EPM2A: variants seen among roughly 807,000 people sequenced by gnomAD.
EPM2A encodes the protein laforin.
A neutral mutation model predicts 26.5 loss-of-function variants in EPM2A; 21 were observed. The ratio of observed to expected loss-of-function variants is 0.79; its 90% CI spans 0.56 to 1.14. EPM2A has a LOEUF of 1.14. Among genes scored for constraint, EPM2A ranks in the 50% most tolerant of loss-of-function variants. The pLI is 0.00. For synonymous variants in EPM2A, 217 were observed against 177.6 expected (o/e 1.22, Z -1.76); for missense variants, 458 against 440.8 (o/e 1.04, Z -0.35).
At chr6:145,424,659 T>G (rs1363623795) in intron 4 of EPM2A, among the ~76,000 whole-genome samples, 4 of 152,126 alleles carry the variant, frequency 2.6e-5, no homozygotes, top group Non-Finnish European at 5.9e-5. Context: ...TATTAGGAGG[T>G]GGGGCCTTTG....
intron 2 of EPM2A, among the ~76,000 whole-genome samples, chr6:145,579,566 T>C (rs1337695424): frequency 6.6e-6 from 1 of 152,228 alleles, no homozygotes. Flanking sequence ...TTTATCCGTA[T>C]TTTAACTTTT....
chr6:145,705,182 C>T (rs1432498988), intron 1 of EPM2A, among the ~76,000 whole-genome samples: 2 of 152,164 alleles, frequency 1.3e-5, no homozygotes, highest in African/African-American at 4.8e-5. Flanking sequence ...GGCACAGTGG[C>T]TCACGCCTGT....
At chr6:145,456,134 T>G (rs1231311485) in intron 4 of EPM2A, among the ~76,000 whole-genome samples, 3 of 152,214 alleles carry the variant, frequency 2.0e-5, no homozygotes, top group African/African-American at 7.2e-5. Context: ...ACCAGTTACC[T>G]GCATGGCTGT....
At chr6:145,447,239 G>A (rs1779138654) in intron 4 of EPM2A, among the ~76,000 whole-genome samples, 1 of 152,042 alleles carries the variant, frequency 6.6e-6, no homozygotes, top group African/African-American at 2.4e-5. Flanking sequence ...CTTTCACCCA[G>A]GTACACACTT....
At chr6:145,523,746 G>A (rs1780233989) in intron 2 of EPM2A, among the ~76,000 whole-genome samples, 1 of 152,152 alleles carries the variant, frequency 6.6e-6, no homozygotes, top group African/African-American at 2.4e-5. Flanking sequence ...GTGAAAGAAA[G>A]AGTCCCATGT....
At chr6:145,665,434 G>A (rs1404613181) in intron 2 of EPM2A, among the ~76,000 whole-genome samples, 2 of 101,484 alleles carry the variant, frequency 2.0e-5, no homozygotes, top group African/African-American at 4.2e-5. Context: ...TACATTCCTC[G>A]ACACATACAC....
At chr6:145,485,733 C>A (rs1355043109) in intron 4 of EPM2A, among the ~76,000 whole-genome samples, 34 of 151,904 alleles carry the variant, frequency 2.2e-4, no homozygotes, top group Admixed American at 2.2e-3. Flanking sequence ...AAAGACATAC[C>A]CAAGACTGGG....
At chr6:145,595,810 T>C (rs1781335268) in intron 2 of EPM2A, among the ~76,000 whole-genome samples, 1 of 152,156 alleles carries the variant, frequency 6.6e-6, no homozygotes, top group Admixed American at 6.5e-5. Flanking sequence ...GATTTTATAC[T>C]TTATTTTTTT....
At chr6:145,573,657 T>C (rs1195426831) in intron 2 of EPM2A, among the ~76,000 whole-genome samples, 1 of 152,184 alleles carries the variant, frequency 6.6e-6, no homozygotes, top group African/African-American at 2.4e-5. Context: ...CAGAGGCAGG[T>C]GTAATGGTTT....
intron 2 of EPM2A, among the ~76,000 whole-genome samples, chr6:145,562,363 GAAAA>G (rs1177041663): frequency 1.3e-5 from 2 of 150,532 alleles, no homozygotes; most frequent in Admixed American, 6.6e-5. Flanking sequence ...CACCAAAAAA[GAAAA>G]AAAAAGATTA....
intron 2 of EPM2A, among the ~76,000 whole-genome samples, chr6:145,597,480 T>A (rs999703095): frequency 1.3e-3 from 195 of 152,196 alleles, no homozygotes; most frequent in African/African-American, 4.4e-3. Flanking sequence ...TTTTTTTCTT[T>A]TTTTTGGTAA....
chr6:145,690,654 G>T (rs73579478), intron 1 of EPM2A, among the ~76,000 whole-genome samples: 11,738 of 150,264 alleles, frequency 0.078, 1,223 homozygotes, highest in African/African-American at 0.23. Context: ...AAAAGATGCC[G>T]GATAAAGGCC....
intron 3 of EPM2A, chr6:145,631,224 G>A (rs988246372): frequency 4.0e-5 from 6 of 151,796 alleles, no homozygotes; most frequent in Non-Finnish European, 8.8e-5. Flanking sequence ...ATAAAAAGAG[G>A]GTCCCCAGGA....
intron 2 of EPM2A, among the ~76,000 whole-genome samples, chr6:145,541,320 A>G (rs536566856): frequency 7.1e-4 from 96 of 134,892 alleles, no homozygotes; most frequent in Middle Eastern, 4.1e-3. Context: ...GTATATACAT[A>G]TATATGTGTA....
At chr6:145,518,615 A>G (rs1026142706) in intron 2 of EPM2A, among the ~76,000 whole-genome samples, 3 of 151,504 alleles carry the variant, frequency 2.0e-5, no homozygotes, top group Non-Finnish European at 4.4e-5. Flanking sequence ...AAAAAAAAAA[A>G]AAAAAAAACA....
At chr6:145,426,481 T>A (rs1202627117) in intron 4 of EPM2A, among the ~76,000 whole-genome samples, 1 of 152,222 alleles carries the variant, frequency 6.6e-6, no homozygotes, top group Non-Finnish European at 1.5e-5. Flanking sequence ...AACATCTGAA[T>A]GGATTAATTT....
At chr6:145,491,486 A>G (rs368744) in intron 4 of EPM2A, among the ~76,000 whole-genome samples, 80,970 of 151,982 alleles carry the variant, frequency 0.53, 22,276 homozygotes, top group African/African-American at 0.67. Context: ...AAGTCAAGCT[A>G]CTTCTCTCTG....
chr6:145,506,968 CA>C (rs1779984870), intron 2 of EPM2A, among the ~76,000 whole-genome samples: 1 of 152,206 alleles, frequency 6.6e-6, no homozygotes, highest in African/African-American at 2.4e-5. Flanking sequence ...AAGCAGTCAA[CA>C]GGTGCCTGGT....
chr6:145,549,925 A>G (rs1426522990), intron 2 of EPM2A, among the ~76,000 whole-genome samples: 1 of 152,114 alleles, frequency 6.6e-6, no homozygotes, highest in Non-Finnish European at 1.5e-5. Flanking sequence ...GACATAATCT[A>G]TAATACCTGA....
Sources: allele counts gnomAD v4.1 joint callset (sites outside exome capture counted in the v4.1 genomes callset), GRCh38; gene constraint gnomAD v4.1.1; transcripts MANE v1.5; gene names NCBI Gene and HGNC (gene_info 2026-07-23, HGNC 2026-07-21).